CATSPERT: variants seen among roughly 807,000 people sequenced by gnomAD.
CATSPERT encodes the protein catsper channel auxiliary subunit tau, also known as cation channel sperm-associated targeting subunit tau.
chr2:201,535,847 C>T, the CATSPERT span: 1 of 1,477,052 alleles, frequency 6.8e-7, no homozygotes, highest in East Asian at 2.5e-5. Context: ...GAGCTCAAGG[C>T]CTTCTTTTGG....
At chr2:201,552,617 G>C in the CATSPERT span, among the ~76,000 whole-genome samples, 5 of 152,210 alleles carry the variant, frequency 3.3e-5, no homozygotes, top group African/African-American at 1.2e-4. Flanking sequence ...CCAGTCAACA[G>C]TAGGCTATTA....
chr2:201,570,042 C>T, the CATSPERT span, among the ~76,000 whole-genome samples: 3 of 151,924 alleles, frequency 2.0e-5, no homozygotes, highest in African/African-American at 7.3e-5. Flanking sequence ...ATTAGCCAAA[C>T]GTGGTAACAA....
At chr2:201,582,024 A>G in the CATSPERT span, 10 of 1,546,446 alleles carry the variant, frequency 6.5e-6, no homozygotes, top group Non-Finnish European at 8.7e-6. Flanking sequence ...ATCAAGTATA[A>G]TAAATCACAA....
At chr2:201,594,831 A>G in the CATSPERT span, among the ~76,000 whole-genome samples, 1 of 152,024 alleles carries the variant, frequency 6.6e-6, no homozygotes, top group African/African-American at 2.4e-5. Flanking sequence ...CAGCTCCATC[A>G]GCTCCTTTAA....
chr2:201,544,542 T>TCC, the CATSPERT span, among the ~76,000 whole-genome samples: 1 of 114,682 alleles, frequency 8.7e-6, no homozygotes, highest in Non-Finnish European at 1.9e-5. Context: ...CACTTTCTTT[T>TCC]TCACACACAC....
chr2:201,591,603 C>G, the CATSPERT span, among the ~76,000 whole-genome samples: 111 of 152,244 alleles, frequency 7.3e-4, no homozygotes, highest in African/African-American at 2.4e-3. Flanking sequence ...GATATTGATT[C>G]TTCCTACCCA....
chr2:201,618,844 C>T, the CATSPERT span: 1 of 1,554,750 alleles, frequency 6.4e-7, no homozygotes. Context: ...CACCACCCTC[C>T]AGGTGCCCTG....
At chr2:201,548,273 T>A in the CATSPERT span, among the ~76,000 whole-genome samples, 8 of 152,276 alleles carry the variant, frequency 5.3e-5, no homozygotes, top group Non-Finnish European at 4.4e-5. Flanking sequence ...AGATCCAGTG[T>A]CTGGTGAGAG....
chr2:201,511,504 G>A, the CATSPERT span, among the ~76,000 whole-genome samples: 1 of 151,996 alleles, frequency 6.6e-6, no homozygotes, highest in East Asian at 1.9e-4. Flanking sequence ...TCTTTTTACT[G>A]TATCATACGA....
chr2:201,487,710 G>A, the CATSPERT span: 1,907 of 1,613,964 alleles, frequency 1.2e-3, 18 homozygotes, highest in East Asian at 0.023. Context: ...ACCATTCGAC[G>A]ACTTGTAAAC....
At chr2:201,524,600 A>G in the CATSPERT span, among the ~76,000 whole-genome samples, 1 of 152,228 alleles carries the variant, frequency 6.6e-6, no homozygotes, top group African/African-American at 2.4e-5. Flanking sequence ...ACATGACGAC[A>G]GGATCAAATC....
chr2:201,530,690 C>T, the CATSPERT span, among the ~76,000 whole-genome samples: 1 of 152,144 alleles, frequency 6.6e-6, no homozygotes, highest in African/African-American at 2.4e-5. Context: ...CCTTCATTAA[C>T]CCTAATCTTC....
chr2:201,492,976 T>C, the CATSPERT span: 1 of 1,536,370 alleles, frequency 6.5e-7, no homozygotes, highest in African/African-American at 1.4e-5. Context: ...TCTGTCTAAT[T>C]TGTCTGCTTT....
At chr2:201,492,528 T>C in the CATSPERT span, 1 of 1,536,104 alleles carries the variant, frequency 6.5e-7, no homozygotes, top group Non-Finnish European at 8.7e-7. Flanking sequence ...GAAAAGATAT[T>C]GAGACACTTT....
At chr2:201,511,048 A>G in the CATSPERT span, among the ~76,000 whole-genome samples, 5 of 152,222 alleles carry the variant, frequency 3.3e-5, no homozygotes, top group African/African-American at 1.2e-4. Context: ...TAGATAATAA[A>G]CACATGAAAA....
chr2:201,494,507 CA>C, the CATSPERT span: 1 of 1,536,808 alleles, frequency 6.5e-7, no homozygotes, highest in Non-Finnish European at 8.7e-7. Flanking sequence ...ATAGTAGGAT[CA>C]GGGGCTAACT....
the CATSPERT span, chr2:201,492,601 C>T: frequency 5.2e-6 from 8 of 1,526,524 alleles, no homozygotes; most frequent in South Asian, 7.2e-5. Context: ...AAATAAACTG[C>T]TTTCTGAAAT....
At chr2:201,592,299 A>G in the CATSPERT span, among the ~76,000 whole-genome samples, 1 of 145,728 alleles carries the variant, frequency 6.9e-6, no homozygotes, top group East Asian at 2.0e-4. Context: ...ATTTGCATAT[A>G]TTGAACCAGC....
At chr2:201,495,691 T>TG in the CATSPERT span, among the ~76,000 whole-genome samples, 1 of 151,238 alleles carries the variant, frequency 6.6e-6, no homozygotes, top group African/African-American at 2.4e-5. Context: ...CTTGGTTTTT[T>TG]TTTTTTTTTT....
Sources: gnomAD v4.1 joint callset for allele counts (sites outside exome capture counted in the v4.1 genomes callset) on GRCh38, gnomAD v4.1.1 for gene constraint, MANE v1.5 for transcripts, NCBI Gene and HGNC (gene_info 2026-07-23, HGNC 2026-07-21) for gene names.